Variants in NPY4R observed in about 807,000 individuals in gnomAD.
NPY4R encodes the protein neuropeptide Y receptor Y4.
NPY4R carries 2 observed loss-of-function variants against 11.9 expected under a neutral mutation model. The ratio of observed to expected loss-of-function variants is 0.17; its 90% CI spans 0.07 to 0.53. NPY4R has a LOEUF of 0.53. NPY4R is among the 20% of genes least tolerant of loss of function. The pLI is 0.94. For synonymous variants in NPY4R, 8 were observed against 121.7 expected (o/e 0.07, Z 6.15); for missense variants, 26 against 280.2 (o/e 0.09, Z 6.48).
chr10:46,466,306 C>T (rs1383670693), upstream of NPY4R, among the ~76,000 whole-genome samples: 13 of 132,108 alleles, frequency 9.8e-5, 1 homozygote, highest in East Asian at 2.5e-3. Flanking sequence ...CTCTCTCCCT[C>T]CCTCCCCCTC....
chr10:46,466,200 TTTCTTTC>T, upstream of NPY4R, among the ~76,000 whole-genome samples: 1 of 20,196 alleles, frequency 5.0e-5, no homozygotes, highest in South Asian at 1.1e-3. Flanking sequence ...TCTTTCTTTC[TTTCTTTC>T]TTTCTTTCTT....
chr10:46,466,181 C>CTCTCCTTTCTT, upstream of NPY4R, among the ~76,000 whole-genome samples: 1 of 22,326 alleles, frequency 4.5e-5, no homozygotes, highest in African/African-American at 1.8e-4. Flanking sequence ...CTGTCTTTCT[C>CTCTCCTTTCTT]TCTTTCTTTC....
chr10:46,466,268 C>CT (rs1841044494), upstream of NPY4R, among the ~76,000 whole-genome samples: 14 of 65,482 alleles, frequency 2.1e-4, no homozygotes, highest in South Asian at 8.2e-4. Context: ...TCTTTCCTTT[C>CT]TTTCTTTCTT....
upstream of NPY4R, among the ~76,000 whole-genome samples, chr10:46,467,201 A>ACAACAG (rs1236939998): frequency 1.7e-5 from 1 of 58,510 alleles, no homozygotes; most frequent in Non-Finnish European, 3.7e-5. Flanking sequence ...GTTAATCATC[A>ACAACAG]CAACAGCTCT....
upstream of NPY4R, among the ~76,000 whole-genome samples, chr10:46,466,259 CTTTCCTTTCTTTCTTTCTTTCTT>C (rs1415464535): frequency 2.0e-4 from 12 of 60,142 alleles, no homozygotes; most frequent in African/African-American, 1.2e-3. Flanking sequence ...TTCTTTCTTT[CTTTCCTTTCTTTCTTTCTTTCTT>C]TCTCTCTCTC....
upstream of NPY4R, among the ~76,000 whole-genome samples, chr10:46,468,119 C>T (rs1295402616): frequency 5.7e-4 from 71 of 125,562 alleles, no homozygotes; most frequent in Non-Finnish European, 8.1e-4. Context: ...CTTGTCTCAG[C>T]CAGCCAACTT....
chr10:46,466,273 TTTC>T (rs1565142699), upstream of NPY4R, among the ~76,000 whole-genome samples: 6,153 of 78,214 alleles, frequency 0.079, 520 homozygotes, highest in Non-Finnish European at 0.096. Context: ...CCTTTCTTTC[TTTC>T]TTTCTTTCTC....
At chr10:46,464,247 T>C (rs1224835452) in intron 1 of NPY4R, among the ~76,000 whole-genome samples, 162 of 151,696 alleles carry the variant, frequency 1.1e-3, no homozygotes, top group Non-Finnish European at 1.1e-3. Context: ...TGCATGCCTG[T>C]AGTCCCAGCT....
At chr10:46,466,270 TTCTTTCTTTCTTTCTC>T (rs1841045004), upstream of NPY4R, among the ~76,000 whole-genome samples, 59 of 83,944 alleles carry the variant, frequency 7.0e-4, 2 homozygotes, top group African/African-American at 2.8e-3. Context: ...TTTCCTTTCT[TTCTTTCTTTCTTTCTC>T]TCTCTCTCTC....
upstream of NPY4R, among the ~76,000 whole-genome samples, chr10:46,467,948 A>G (rs556980477): frequency 1.8e-5 from 2 of 108,114 alleles, no homozygotes; most frequent in East Asian, 4.9e-4. Context: ...TGTGGGTCAG[A>G]GAACAGCAGA....
intron 1 of NPY4R, among the ~76,000 whole-genome samples, chr10:46,464,175 C>T (rs1235101189): frequency 6.6e-6 from 1 of 151,868 alleles, no homozygotes; most frequent in African/African-American, 2.4e-5. Flanking sequence ...TCAACACCTG[C>T]CTGGCCAACA....
At chr10:46,462,896 G>C (rs1588924143) in intron 2 of NPY4R, among the ~76,000 whole-genome samples, 2 of 102,582 alleles carry the variant, frequency 1.9e-5, no homozygotes, top group South Asian at 5.6e-4. Context: ...GCTGGGTACT[G>C]TGCTCAGCAC....
upstream of NPY4R, among the ~76,000 whole-genome samples, chr10:46,466,278 TTC>T (rs1841047294): frequency 2.7e-5 from 2 of 73,236 alleles, no homozygotes; most frequent in African/African-American, 8.1e-5. Context: ...CTTTCTTTCT[TTC>T]TTTCTCTCTC....
upstream of NPY4R, among the ~76,000 whole-genome samples, chr10:46,466,255 CTTTCTTTCCTTTCTTTCTTTCTT>C (rs1188039767): frequency 1.4e-4 from 9 of 64,824 alleles, no homozygotes; most frequent in African/African-American, 8.2e-4. Flanking sequence ...TTCTTTCTTT[CTTTCTTTCCTTTCTTTCTTTCTT>C]TCTTTCTCTC....
At chr10:46,466,044 C>T (rs1554991096), upstream of NPY4R, among the ~76,000 whole-genome samples, 1 of 150,826 alleles carries the variant, frequency 6.6e-6, no homozygotes, top group Non-Finnish European at 1.5e-5. Flanking sequence ...CCGCCTGCCC[C>T]GGGACCCCAG....
chr10:46,466,247 CTTTCT>C (rs1841034844), upstream of NPY4R, among the ~76,000 whole-genome samples: 20 of 68,758 alleles, frequency 2.9e-4, no homozygotes, highest in Admixed American at 6.0e-4. Context: ...TTCTTTCTTT[CTTTCT>C]TTCTTTCTTT....
intron 1 of NPY4R, among the ~76,000 whole-genome samples, chr10:46,464,445 T>C (rs1840954162): frequency 8.6e-6 from 1 of 116,748 alleles, no homozygotes. Flanking sequence ...ACAGTCTGGT[T>C]ATTTAGGAAC....
At chr10:46,466,263 C>CTTTT (rs1370103147), upstream of NPY4R, among the ~76,000 whole-genome samples, 1 of 12,556 alleles carries the variant, frequency 8.0e-5, no homozygotes, top group African/African-American at 2.2e-4. Context: ...TTCTTTCTTT[C>CTTTT]CTTTCTTTCT....
chr10:46,466,200 T>TTCC (rs1841022288), upstream of NPY4R, among the ~76,000 whole-genome samples: 14 of 20,192 alleles, frequency 6.9e-4, no homozygotes, highest in African/African-American at 2.4e-3. Flanking sequence ...TCTTTCTTTC[T>TTCC]TTCTTTCTTT....
Sources: allele counts gnomAD v4.1 joint callset (sites outside exome capture counted in the v4.1 genomes callset), GRCh38; gene constraint gnomAD v4.1.1; transcripts MANE v1.5; gene names NCBI Gene and HGNC (gene_info 2026-07-23, HGNC 2026-07-21).